CERS6: variants seen among roughly 807,000 people sequenced by gnomAD.
CERS6 encodes LAG1 homolog, ceramide synthase 6.
CERS6 carries 26 observed loss-of-function variants against 56.8 expected under a neutral mutation model. The observed-to-expected ratio is 0.46, with a 90% CI of 0.34 to 0.63. CERS6 has a LOEUF of 0.63. Ranked by LOEUF, CERS6 falls within the 30% of genes least tolerant of loss-of-function variation. CERS6 has a pLI of 0.01. For synonymous variants in CERS6, 164 were observed against 173.3 expected, an observed-to-expected ratio of 0.95 and a Z score of 0.42; for missense variants, 415 against 467.5, an observed-to-expected ratio of 0.89 and a Z score of 1.04.
intron 3 of CERS6, among the ~76,000 whole-genome samples, chr2:168,565,654 A>G (rs981522655): frequency 6.6e-6 from 1 of 152,204 alleles, no homozygotes; most frequent in African/African-American, 2.4e-5. Flanking sequence ...GGCATGTCCA[A>G]TTTCTGGCAC....
intron 1 of CERS6, among the ~76,000 whole-genome samples, chr2:168,529,501 G>A (rs1695128709): frequency 6.6e-6 from 1 of 152,172 alleles, no homozygotes; most frequent in African/African-American, 2.4e-5. Flanking sequence ...GATCATTGAT[G>A]ACCAAATTTT....
chr2:168,585,994 A>G (rs936491436), intron 3 of CERS6, among the ~76,000 whole-genome samples: 2 of 152,000 alleles, frequency 1.3e-5, no homozygotes, highest in Admixed American at 1.3e-4. Context: ...AAGATACTTT[A>G]GTTTTTTGAG....
At chr2:168,604,708 G>A (rs1376013549) in intron 3 of CERS6, among the ~76,000 whole-genome samples, 1 of 151,786 alleles carries the variant, frequency 6.6e-6, no homozygotes, top group Non-Finnish European at 1.5e-5. Flanking sequence ...TCTCTCTCTC[G>A]CTCCTGCTTT....
At chr2:168,674,834 C>G (rs916511853) in intron 4 of CERS6, among the ~76,000 whole-genome samples, 5 of 151,940 alleles carry the variant, frequency 3.3e-5, no homozygotes, top group East Asian at 3.8e-4. Context: ...TATCAGGAAC[C>G]CTTTACTCTT....
At chr2:168,670,975 C>G (rs375984013) in intron 4 of CERS6, among the ~76,000 whole-genome samples, 980 of 70,060 alleles carry the variant, frequency 0.014, 92 homozygotes, top group African/African-American at 0.034. Flanking sequence ...TTCCCCCCCC[C>G]CCCCCAGACG....
At chr2:168,496,305 G>C in intron 1 of CERS6, among the ~76,000 whole-genome samples, 1 of 151,564 alleles carries the variant, frequency 6.6e-6, no homozygotes, top group South Asian at 2.1e-4. Flanking sequence ...AGTTTTAAAA[G>C]CTATTTGGTT....
intron 4 of CERS6, among the ~76,000 whole-genome samples, chr2:168,638,186 T>G (rs113271027): frequency 4.6e-5 from 7 of 152,272 alleles, no homozygotes; most frequent in African/African-American, 1.7e-4. Flanking sequence ...TTCTTGGTAG[T>G]TTTGGATCTC....
chr2:168,571,581 TTCCCACA>T (rs1219663823), intron 3 of CERS6, among the ~76,000 whole-genome samples: 3 of 152,144 alleles, frequency 2.0e-5, no homozygotes, highest in Non-Finnish European at 4.4e-5. Flanking sequence ...TTTGTAGGCC[TTCCCACA>T]TCCAAATTCA....
At chr2:168,649,639 C>T (rs1224665000) in intron 4 of CERS6, among the ~76,000 whole-genome samples, 1 of 151,908 alleles carries the variant, frequency 6.6e-6, no homozygotes, top group Non-Finnish European at 1.5e-5. Context: ...TTGCTTTATC[C>T]CCCCGTAGCA....
chr2:168,495,547 A>C (rs1191972083), intron 1 of CERS6, among the ~76,000 whole-genome samples: 6 of 152,216 alleles, frequency 3.9e-5, no homozygotes, highest in Non-Finnish European at 1.5e-5. Context: ...CAAAGACAAC[A>C]AAACAAACAA....
intron 4 of CERS6, among the ~76,000 whole-genome samples, chr2:168,661,241 C>T (rs73970089): frequency 0.019 from 2,866 of 152,242 alleles, 92 homozygotes; most frequent in African/African-American, 0.065. Context: ...CTTATTTAAA[C>T]TCGCTATCAT....
intron 1 of CERS6, among the ~76,000 whole-genome samples, chr2:168,477,214 A>AGG (rs1190932737): frequency 1.3e-4 from 18 of 136,708 alleles, no homozygotes; most frequent in Admixed American, 3.5e-4. Flanking sequence ...AGAGAGAGAG[A>AGG]GAGAGTCTCA....
At chr2:168,497,954 A>G (rs1156784594) in intron 1 of CERS6, among the ~76,000 whole-genome samples, 1 of 152,156 alleles carries the variant, frequency 6.6e-6, no homozygotes, top group East Asian at 1.9e-4. Context: ...CTTACTAATA[A>G]CAATGGAAAA....
At chr2:168,497,497 G>A (rs1022155558) in intron 1 of CERS6, among the ~76,000 whole-genome samples, 6 of 152,248 alleles carry the variant, frequency 3.9e-5, no homozygotes, top group African/African-American at 1.4e-4. Context: ...CTTGCATGTA[G>A]GTGGTCAGGG....
At chr2:168,623,317 T>A (rs1469387779) in intron 3 of CERS6, among the ~76,000 whole-genome samples, 1 of 152,158 alleles carries the variant, frequency 6.6e-6, no homozygotes, top group African/African-American at 2.4e-5. Context: ...ATGAATACAT[T>A]CCAGGGATCT....
At chr2:168,548,771 A>G (rs1393536565) in intron 2 of CERS6, among the ~76,000 whole-genome samples, 1 of 152,214 alleles carries the variant, frequency 6.6e-6, no homozygotes, top group African/African-American at 2.4e-5. Flanking sequence ...AAAATTCTCT[A>G]GAGTTTTTCC....
intron 3 of CERS6, among the ~76,000 whole-genome samples, chr2:168,573,196 A>G (rs555125221): frequency 2.7e-5 from 4 of 150,274 alleles, no homozygotes; most frequent in Admixed American, 6.6e-5. Flanking sequence ...CCTATGGGGG[A>G]AAAAAAGGAT....
At chr2:168,699,944 C>T (rs193112423) in intron 6 of CERS6, among the ~76,000 whole-genome samples, 1 of 152,104 alleles carries the variant, frequency 6.6e-6, no homozygotes, top group Admixed American at 6.5e-5. Context: ...ATGTCTAAGC[C>T]CTATGTCCCT....
At chr2:168,631,566 T>C in intron 4 of CERS6, among the ~76,000 whole-genome samples, 1 of 119,794 alleles carries the variant, frequency 8.3e-6, no homozygotes, top group Non-Finnish European at 1.6e-5. Flanking sequence ...TATTTATATA[T>C]TAAATATAAT....
Sources: gnomAD v4.1 joint callset for allele counts (sites outside exome capture counted in the v4.1 genomes callset) on GRCh38, gnomAD v4.1.1 for gene constraint, MANE v1.5 for transcripts, NCBI Gene and HGNC (gene_info 2026-07-23, HGNC 2026-07-21) for gene names.